SCP2: variants seen among roughly 807,000 people sequenced by gnomAD.
SCP2 encodes sterol carrier protein 2.
A neutral mutation model predicts 71.4 loss-of-function variants in SCP2; 48 were observed. The ratio of observed to expected loss-of-function variants is 0.67; its 90% CI spans 0.53 to 0.86. SCP2 has a LOEUF of 0.86. Among genes scored for constraint, SCP2 ranks in the 40% least tolerant of loss-of-function variants. The pLI is 0.00. For synonymous variants in SCP2, 220 were observed against 218.1 expected, an observed-to-expected ratio of 1.01 and a Z score of -0.08; for missense variants, 560 against 655.6, an observed-to-expected ratio of 0.85 and a Z score of 1.59.
chr1:53,037,143 T>A (rs531422726), intron 13 of SCP2, among the ~76,000 whole-genome samples: 1 of 152,068 alleles, frequency 6.6e-6, no homozygotes, highest in East Asian at 1.9e-4. Context: ...TCTCAAAAAA[T>A]AATAATAATA....
intron 12 of SCP2, among the ~76,000 whole-genome samples, chr1:53,021,072 C>T (rs1406600211): frequency 6.6e-6 from 1 of 151,858 alleles, no homozygotes; most frequent in African/African-American, 2.4e-5. Context: ...GTGGTGTTAT[C>T]TTGGGTTACT....
At chr1:53,029,362 C>T (rs1342252114) in intron 13 of SCP2, among the ~76,000 whole-genome samples, 1 of 151,186 alleles carries the variant, frequency 6.6e-6, no homozygotes, top group East Asian at 2.0e-4. Flanking sequence ...CCCCTGGGCT[C>T]AAGTGATCCT....
intron 1 of SCP2, among the ~76,000 whole-genome samples, chr1:52,937,534 AG>A (rs964386275): frequency 2.6e-5 from 4 of 152,216 alleles, no homozygotes; most frequent in Non-Finnish European, 4.4e-5. Flanking sequence ...AACCTTAAAA[AG>A]GTTTCTGTAA....
At chr1:52,994,395 A>C in intron 11 of SCP2, 8 of 553,742 alleles carry the variant, frequency 1.4e-5, no homozygotes, top group Non-Finnish European at 1.8e-5. Context: ...CTCTTCTGAA[A>C]TAGCATGTTT....
At chr1:53,007,885 G>T (rs1660731538) in intron 11 of SCP2, among the ~76,000 whole-genome samples, 1 of 152,010 alleles carries the variant, frequency 6.6e-6, no homozygotes, top group Non-Finnish European at 1.5e-5. Context: ...CCGCTAGCAA[G>T]ACTAATACAG....
At chr1:53,021,539 T>A (rs987453102) in intron 12 of SCP2, among the ~76,000 whole-genome samples, 7 of 151,864 alleles carry the variant, frequency 4.6e-5, no homozygotes, top group African/African-American at 1.7e-4. Flanking sequence ...AGGCTAGTCT[T>A]GAACTCCTGA....
Position 52,961,620 on chromosome 1 carries a change from G to A in SCP2, c.514G>A (p.Glu172Lys). Reference sequence around the variant, plus strand: ...TGGGTATGCTGGAAAAGAACATATGGAAAAATATGGTATGTTACAGTTAAA... The same window carrying A: ...TGGGTATGCTGGAAAAGAACATATGAAAAAATATGGTATGTTACAGTTAAA... Reference protein sequence around the residue: ...MFGYAGKEHMEKYGTKIEHFA... With the variant: ...MFGYAGKEHMKKYGTKIEHFA... The change falls in exon 6 of 16, where the codon GAA becomes AAA. Residue 172 changes from glutamate to lysine, a missense_variant. By Grantham distance (56) the Glu-to-Lys change is moderately conservative. Coordinates refer to ENST00000371514, the MANE Select transcript of SCP2 (RefSeq NM_002979.5). 6.2e-7 allele frequency: 1 copy of A among 1,613,620 alleles called. No homozygotes were observed. The highest frequency in any genetic ancestry group is 8.5e-7 in the Non-Finnish European group (1 of 1,179,720).
chr1:53,048,035 C>A, intron 15 of SCP2, 98 bp downstream of exon 15: 1 of 825,556 alleles, frequency 1.2e-6, no homozygotes. Context: ...AGTGGTCAGA[C>A]TCACAAAACT....
At chr1:52,937,279 CA>C (rs1653831101) in intron 1 of SCP2, among the ~76,000 whole-genome samples, 1 of 152,108 alleles carries the variant, frequency 6.6e-6, no homozygotes, top group Non-Finnish European at 1.5e-5. Flanking sequence ...GTTTTGGGAG[CA>C]AATAAGACTA....
chr1:53,030,484 T>C (rs185399699), intron 13 of SCP2, among the ~76,000 whole-genome samples: 28 of 152,266 alleles, frequency 1.8e-4, no homozygotes, highest in African/African-American at 6.7e-4. Flanking sequence ...AGAGTGACTA[T>C]TTTTTCCTTT....
intron 14 of SCP2, among the ~76,000 whole-genome samples, chr1:53,039,658 G>A (rs1394584426): frequency 6.6e-6 from 1 of 152,120 alleles, no homozygotes; most frequent in Non-Finnish European, 1.5e-5. Flanking sequence ...CTTACCTACT[G>A]ACTGTTCCTC....
intron 3 of SCP2, among the ~76,000 whole-genome samples, chr1:52,949,266 A>T (rs1332731519): frequency 6.6e-6 from 1 of 152,202 alleles, no homozygotes; most frequent in Non-Finnish European, 1.5e-5. Flanking sequence ...ATTGAAAAGC[A>T]GATCCCTAAC....
At position 52,937,282 on chromosome 1, in the gene SCP2, A is replaced by G. The variant is rs952239570; in HGVS notation, c.70-4514A>G. Among the ~76,000 whole-genome samples the G allele has an allele frequency of 2.0e-5, 3 of 152,228 alleles. No homozygotes were observed. The South Asian group carries it at 6.2e-4, about 32-fold the overall frequency. ...TTGAAAGTGGATGTTTTGGGAGCAA[A>G]TAAGACTACTGGGTGCAGAGTAGTG... On this transcript the variant is annotated intron_variant, in intron 1 of 15. Transcript: ENST00000371514.
At chr1:52,986,875 A>G (rs1033309406) in intron 10 of SCP2, among the ~76,000 whole-genome samples, 3 of 151,690 alleles carry the variant, frequency 2.0e-5, no homozygotes, top group Admixed American at 6.6e-5. Flanking sequence ...GTATATTTTA[A>G]ATAATCTCTA....
chr1:53,036,035 A>AAAG (rs1662920628), intron 13 of SCP2, among the ~76,000 whole-genome samples: 1 of 149,242 alleles, frequency 6.7e-6, no homozygotes, highest in Admixed American at 6.6e-5. Context: ...AAAAAAAAAA[A>AAAG]AAAAAGAAAA....
At chr1:52,943,262 G>C (rs1255435460) in intron 2 of SCP2, among the ~76,000 whole-genome samples, 3 of 149,170 alleles carry the variant, frequency 2.0e-5, no homozygotes, top group African/African-American at 7.4e-5. Context: ...TTGCTCTGTC[G>C]CCCAGGCTGG....
chr1:52,977,775 A>G (rs973977261), intron 8 of SCP2, among the ~76,000 whole-genome samples: 1 of 152,150 alleles, frequency 6.6e-6, no homozygotes, highest in African/African-American at 2.4e-5. Flanking sequence ...AACCTGACCA[A>G]CATGGAGAAA....
At chr1:52,999,079 G>A (rs1034960637) in intron 11 of SCP2, among the ~76,000 whole-genome samples, 12 of 149,060 alleles carry the variant, frequency 8.1e-5, no homozygotes, top group Non-Finnish European at 1.6e-4. Flanking sequence ...TCTAGTGATG[G>A]TATAGCATTT....
chr1:52,989,318 T>C lies in SCP2; in HGVS notation c.1081+1182T>C, dbSNP rs1659267723. Among the ~76,000 whole-genome samples the C allele has an allele frequency of 2.0e-5, 3 of 152,196 alleles. No individual in the cohort carries two copies. The South Asian group carries it at 6.2e-4, about 31-fold the overall frequency. On this transcript the variant is annotated intron_variant, in intron 11 of 15. Transcript: ENST00000371514. ...GGCAAAAATTGTCAAGATCAACTTT[T>C]TCCATAACTTTAAAAATTAACCAGA...
Sources: allele counts gnomAD v4.1 joint callset (sites outside exome capture counted in the v4.1 genomes callset), GRCh38; gene constraint gnomAD v4.1.1; transcripts MANE v1.5; gene names NCBI Gene and HGNC (gene_info 2026-07-23, HGNC 2026-07-21).